PCDH15: variants seen among roughly 807,000 people sequenced by gnomAD.
PCDH15 encodes protocadherin related 15.
Under a neutral mutation model 178.5 loss-of-function variants are expected in PCDH15, and 129 were observed. The observed-to-expected ratio is 0.72, with a 90% confidence interval of 0.63 to 0.84. The LOEUF is 0.84. PCDH15 is among the 40% of genes least tolerant of loss of function. PCDH15 has a pLI of 0.00. For missense variants in PCDH15, 2,230 were observed against 2,099.9 expected, an observed-to-expected ratio of 1.06 and a Z score of -1.21; for synonymous variants, 800 against 732.0, an observed-to-expected ratio of 1.09 and a Z score of -1.50.
intron 2 of PCDH15, among the ~76,000 whole-genome samples, chr10:55,340,523 T>G (rs543858635): frequency 9.5e-4 from 145 of 152,124 alleles, no homozygotes; most frequent in African/African-American, 3.4e-3. Context: ...ACTTCACGTA[T>G]CTGCATGGAT....
In PCDH15 at chr10:54,580,667, T is replaced by C. The variant is rs572955926; in HGVS notation, c.92-52790A>G. Among the ~76,000 whole-genome samples the C allele has an allele frequency of 1.8e-3, 279 of 152,146 alleles. 1 individual carries two copies. The highest frequency in any genetic ancestry group is 6.6e-3 in the African/African-American group (274 of 41,552). On this transcript the variant is annotated intron_variant, in intron 2 of 37. Coordinates refer to ENST00000644397, the MANE Select transcript of PCDH15 (RefSeq NM_001384140.1). ...GAAAAAAAGAAAAACTACAGGCTAA[T>C]ATCCATGATGAACATAAACACAAAA...
intron 27 of PCDH15, among the ~76,000 whole-genome samples, chr10:53,861,510 C>A (rs956092029): frequency 1.3e-5 from 2 of 152,042 alleles, no homozygotes; most frequent in Non-Finnish European, 1.5e-5. Context: ...TCTATACTCT[C>A]ATAAATTTTA....
intron 2 of PCDH15, among the ~76,000 whole-genome samples, chr10:55,129,807 T>C (rs1307443732): frequency 1.3e-5 from 2 of 152,140 alleles, no homozygotes; most frequent in Admixed American, 1.3e-4. Flanking sequence ...AATACAAAAA[T>C]GGATAAAACA....
chr10:54,615,067 T>C (rs973867359), intron 2 of PCDH15, among the ~76,000 whole-genome samples: 1 of 152,044 alleles, frequency 6.6e-6, no homozygotes, highest in Non-Finnish European at 1.5e-5. Context: ...GTTGTCTAAA[T>C]GTTCATCATA....
intron 2 of PCDH15, among the ~76,000 whole-genome samples, chr10:55,483,005 C>A (rs1840215355): frequency 6.6e-6 from 1 of 151,698 alleles, no homozygotes; most frequent in Non-Finnish European, 1.5e-5. Flanking sequence ...CCCTTTCTTA[C>A]ACTGTATATA....
intron 15 of PCDH15, among the ~76,000 whole-genome samples, chr10:54,120,591 G>A (rs972319252): frequency 6.6e-6 from 1 of 152,010 alleles, no homozygotes; most frequent in South Asian, 2.1e-4. Flanking sequence ...GATGGAGTAA[G>A]ATCTACTATG....
intron 15 of PCDH15, among the ~76,000 whole-genome samples, chr10:54,123,497 G>T (rs1035139613): frequency 1.3e-5 from 2 of 152,044 alleles, no homozygotes; most frequent in Non-Finnish European, 2.9e-5. Context: ...AGTCAGGGTG[G>T]CTATTATTTA....
chr10:53,984,401 C>T (rs956624706), intron 21 of PCDH15, among the ~76,000 whole-genome samples: 3 of 151,994 alleles, frequency 2.0e-5, no homozygotes, highest in Non-Finnish European at 2.9e-5. Flanking sequence ...CTGCCCACCT[C>T]GGCCTCCCAA....
intron 21 of PCDH15, among the ~76,000 whole-genome samples, chr10:53,977,304 T>C (rs2090261105): frequency 6.9e-6 from 1 of 144,640 alleles, no homozygotes; most frequent in African/African-American, 2.6e-5. Flanking sequence ...ACACTAACAC[T>C]AATGATAGCT....
rs1252591715 is a variant in PCDH15, at chr10:54,757,475, G to T, written c.-29+43450C>A. 2.2e-5 allele frequency among the ~76,000 whole-genome samples: 2 copies of T among 90,418 alleles called. 1 individual carries two copies. The highest frequency in any genetic ancestry group is 4.7e-5 in the Non-Finnish European group (2 of 42,160). The allele number at this position is 90,418 out of a possible 152,430, so 59.3% of individuals were successfully genotyped here. A position where few individuals can be genotyped will look rare whatever the true frequency, so the allele number is the denominator to read the frequency against. ...TTTTTGTATTTTTAGTAGAGACGGG[G>T]TTTCACCGTGTCAGCCAGGATGGTC... On this transcript the variant is annotated intron_variant, in intron 1 of 37. Coordinates refer to ENST00000644397, the MANE Select transcript of PCDH15 (RefSeq NM_001384140.1).
chr10:55,404,384 C>G (rs892360795), intron 2 of PCDH15, among the ~76,000 whole-genome samples: 1 of 152,046 alleles, frequency 6.6e-6, no homozygotes, highest in Non-Finnish European at 1.5e-5. Flanking sequence ...TATCCTGTGA[C>G]AGCGCTTAGG....
chr10:54,075,512 C>T (rs1292876746), intron 17 of PCDH15, among the ~76,000 whole-genome samples: 1 of 151,996 alleles, frequency 6.6e-6, no homozygotes, highest in African/African-American at 2.4e-5. Flanking sequence ...ATCACAAATT[C>T]CAACTTGTCT....
intron 9 of PCDH15, among the ~76,000 whole-genome samples, chr10:54,214,255 T>G (rs1247783874): frequency 6.0e-5 from 1 of 16,684 alleles, no homozygotes; most frequent in Non-Finnish European, 1.7e-4. Flanking sequence ...ATGGAAAATG[T>G]TTGGATGATT....
At chr10:55,055,436 A>C (rs1464827753) in intron 2 of PCDH15, among the ~76,000 whole-genome samples, 1 of 152,144 alleles carries the variant, frequency 6.6e-6, no homozygotes, top group African/African-American at 2.4e-5. Context: ...GGAGAACCAC[A>C]CTAGCCTTCG....
intron 3 of PCDH15, among the ~76,000 whole-genome samples, chr10:54,493,479 G>A (rs1201057490): frequency 2.0e-5 from 3 of 151,958 alleles, no homozygotes; most frequent in African/African-American, 4.8e-5. Flanking sequence ...TAGAAGAGAT[G>A]GATACATCTA....
At chr10:55,195,486 C>CAAA (rs34476628) in intron 1 of PCDH15, among the ~76,000 whole-genome samples, 8 of 115,228 alleles carry the variant, frequency 6.9e-5, no homozygotes, top group African/African-American at 1.0e-4. Flanking sequence ...ACTAAAAATA[C>CAAA]AAAAAAAAAA....
At chr10:55,097,679 A>C (rs1277684265) in intron 2 of PCDH15, among the ~76,000 whole-genome samples, 2 of 152,096 alleles carry the variant, frequency 1.3e-5, no homozygotes, top group African/African-American at 4.8e-5. Flanking sequence ...AGAGGTAAGA[A>C]GTCACCAGAT....
chr10:53,972,979 G>T (rs1482307975), intron 21 of PCDH15, among the ~76,000 whole-genome samples: 1 of 152,116 alleles, frequency 6.6e-6, no homozygotes, highest in Non-Finnish European at 1.5e-5. Context: ...CTGCTATAAA[G>T]ACACATGCAC....
chr10:55,547,910 T>TGTGAGAGAGAGAGAGAGAGAGAGA (rs541144266), intron 2 of PCDH15, among the ~76,000 whole-genome samples: 9 of 54,526 alleles, frequency 1.7e-4, no homozygotes, highest in East Asian at 5.5e-4. Flanking sequence ...TGTGTGTGTG[T>TGTGAGAGAGAGAGAGAGAGAGAGA]GAGAGAGAGA....
Sources: gnomAD v4.1 joint callset for allele counts (sites outside exome capture counted in the v4.1 genomes callset) on GRCh38, gnomAD v4.1.1 for gene constraint, MANE v1.5 for transcripts, NCBI Gene and HGNC (gene_info 2026-07-23, HGNC 2026-07-21) for gene names.